The following SERPINB13 variants were observed in gnomAD, a reference collection of about 807,000 sequenced individuals.
SERPINB13 encodes serpin B13.
A neutral mutation model predicts 31.2 loss-of-function variants in SERPINB13; 26 were observed. That is an observed-to-expected ratio of 0.83 (90% CI 0.61 to 1.15). SERPINB13 has a LOEUF of 1.15. SERPINB13 is among the 50% of genes most tolerant of loss of function. SERPINB13 has a pLI of 0.00. For synonymous variants in SERPINB13, 191 were observed against 172.4 expected, an observed-to-expected ratio of 1.11 and a Z score of -0.85; for missense variants, 510 against 469.4, an observed-to-expected ratio of 1.09 and a Z score of -0.80.
intron 7 of SERPINB13, among the ~76,000 whole-genome samples, chr18:63,595,671 G>C (rs897320794): frequency 6.6e-6 from 1 of 151,980 alleles, no homozygotes; most frequent in Non-Finnish European, 1.5e-5. Flanking sequence ...AGGCTGAGGC[G>C]GGCGGATCAC....
rs376967469 is a variant in SERPINB13 at position 63,597,412 on chromosome 18, G to A, written c.*49G>A. On this transcript the variant is annotated 3_prime_UTR_variant, in exon 8 of 8. Transcript: ENST00000344731. ...TGCTTTTAGCAAAAAACAACTACCA[G>A]TGTTACTCATATGATTATGAAAATC... 38 of 1,524,068 alleles carry A rather than the reference G, an allele frequency of 2.5e-5. No homozygotes were observed. In the African/African-American group the frequency reaches 5.0e-4, roughly 20 times the overall value. 94.4% of individuals were successfully genotyped at this position (1,524,068 alleles called of 1,614,324 possible).
chr18:63,598,123 T>G lies in SERPINB13; in HGVS notation c.*760T>G, dbSNP rs1274411310. On this transcript the variant is annotated 3_prime_UTR_variant, in exon 8 of 8. Coordinates refer to ENST00000344731, the MANE Select transcript of SERPINB13 (RefSeq NM_012397.4). ...CATTTACATTTTTCTGGTTTTTTTT[T>G]TTTTTTGAGTGAGGTACGAGTATTA... 6.6e-6 allele frequency: 1 copy of G among 151,922 alleles called. No individual in the cohort carries two copies. Among genetic ancestry groups the G allele is most frequent in the Non-Finnish European group, 1.5e-5 (1 of 67,972 alleles). 9.4% of individuals were successfully genotyped at this position (151,922 alleles called of 1,614,324 possible).
At chr18:63,588,968 A>G in intron 2 of SERPINB13, 136 bp downstream of exon 2, 2 of 976,042 alleles carry the variant, frequency 2.0e-6, no homozygotes, top group Non-Finnish European at 2.9e-6. Flanking sequence ...TTTCAAGACA[A>G]GGAGCAATTT....
At position 63,588,803 on chromosome 18, in the gene SERPINB13, C is replaced by T. The variant is rs200737594; in HGVS notation, c.136C>T (p.Arg46Ter). The T allele has an allele frequency of 5.7e-5, 92 of 1,613,852 alleles. No individual in the cohort carries two copies. The highest frequency in any genetic ancestry group is 1.8e-4 in the South Asian group (16 of 91,078). Residue 46 changes from arginine to a stop codon, truncating the protein, a stop_gained, in exon 2 of 8, where the codon CGA becomes TGA. Transcript: ENST00000344731. LOFTEE classifies it high-confidence loss of function. ...TAIGMVLLGT[R>*]GATASQLEEV... ...AATTGGCATGGTCCTCCTGGGGACC[C>T]GAGGAGCCACCGCTTCCCAGTTGGA... is the stretch of plus-strand genomic sequence containing the variant.
At position 63,597,304 on chromosome 18, in the gene SERPINB13, T is replaced by C. The variant is rs781300195; in HGVS notation, c.1117T>C (p.Phe373Leu). 9.0e-5 allele frequency: 146 copies of C among 1,614,050 alleles called. No homozygotes were observed. Among genetic ancestry groups the C allele is most frequent in the Non-Finnish European group, 1.2e-4 (143 of 1,180,042 alleles). Reference protein sequence around the residue: ...NVHCNHPFLFFIRHNESNSIL... With the variant: ...NVHCNHPFLFLIRHNESNSIL... ...TCACTGCAATCATCCCTTCCTGTTC[T>C]TCATCAGGCACAATGAATCCAACAG... is the stretch of plus-strand genomic sequence containing the variant. Residue 373 changes from phenylalanine to leucine, a missense_variant, in exon 8 of 8, where the codon TTC becomes CTC. Coordinates refer to ENST00000344731, the MANE Select transcript of SERPINB13 (RefSeq NM_012397.4).
intron 7 of SERPINB13, 96 bp downstream of exon 7, chr18:63,595,280 G>C: frequency 7.7e-7 from 1 of 1,290,630 alleles, no homozygotes; most frequent in South Asian, 1.4e-5. Flanking sequence ...GTGTCAAATA[G>C]AAAGTGTTTC....
chr18:63,589,168 C>G (rs1053081202), intron 2 of SERPINB13, among the ~76,000 whole-genome samples: 1 of 152,046 alleles, frequency 6.6e-6, no homozygotes, highest in Non-Finnish European at 1.5e-5. Flanking sequence ...TAAGCCAATA[C>G]GAGTTCCTTA....
chr18:63,592,890 T>A lies in SERPINB13; in HGVS notation c.391T>A (p.Ser131Thr). The change falls in exon 5 of 8, where the codon TCT (serine) becomes ACT (threonine). Residue 131 changes from serine (S) to threonine (T), a missense_variant. Ser to Thr is a moderately conservative substitution (Grantham distance 58). Coordinates refer to ENST00000344731, the MANE Select transcript of SERPINB13 (RefSeq NM_012397.4). ...LDYVEKYYHA[S>T]LEPVDFVNAA... ...TTATGTTGAAAAATATTATCATGCA[T>A]CTCTGGAACCTGTTGATTTTGTAAA... The A allele has an allele frequency of 6.2e-7, 1 of 1,611,034 alleles. No homozygotes were observed. The highest frequency in any genetic ancestry group is 1.7e-4 in the Middle Eastern group (1 of 6,048).
At chr18:63,591,805 A>G (rs1009644938) in intron 3 of SERPINB13, among the ~76,000 whole-genome samples, 1 of 152,140 alleles carries the variant, frequency 6.6e-6, no homozygotes, top group African/African-American at 2.4e-5. Flanking sequence ...TAGAATATGA[A>G]AACTTCAATC....
chr18:63,588,797 G>C lies in SERPINB13; in HGVS notation c.130G>C (p.Gly44Arg), dbSNP rs1386609413. ...GACTGCAATTGGCATGGTCCTCCTG[G>C]GGACCCGAGGAGCCACCGCTTCCCA... ...ILTAIGMVLL[G>R]TRGATASQLE... The change falls in exon 2 of 8, where the codon GGG becomes CGG. Residue 44 changes from glycine to arginine, a missense_variant. Coordinates refer to ENST00000344731, the MANE Select transcript of SERPINB13 (RefSeq NM_012397.4). 1.9e-6 allele frequency: 3 copies of C among 1,614,082 alleles called. No individual in the cohort carries two copies. Among genetic ancestry groups the C allele is most frequent in the South Asian group, 2.2e-5 (2 of 91,080 alleles).
chr18:63,594,505 C>T lies in SERPINB13; in HGVS notation c.615+8C>T, dbSNP rs138752088. The T allele has an allele frequency of 5.4e-3, 8,775 of 1,612,446 alleles. 75 individuals carry two copies. Among genetic ancestry groups the T allele is most frequent in the African/African-American group, 0.019 (1,429 of 74,862 alleles). On this transcript the variant is annotated splice_region_variant and intron_variant, in intron 6 of 7. Coordinates refer to ENST00000344731, the MANE Select transcript of SERPINB13 (RefSeq NM_012397.4). ...AAATTTTGGATGAATAAGGTATGGC[C>T]CTTAGTTTATTTTCGTGATGTGCTT...
intron 1 of SERPINB13, among the ~76,000 whole-genome samples, chr18:63,587,732 AAAGGCCCC>A (rs1430353345): frequency 6.6e-6 from 1 of 152,256 alleles, no homozygotes; most frequent in African/African-American, 2.4e-5. Context: ...CTTGAGGGCA[AAAGGCCCC>A]AAAGTATGTG....
chr18:63,588,444 CG>C (rs1335141855), intron 1 of SERPINB13, among the ~76,000 whole-genome samples: 3 of 152,246 alleles, frequency 2.0e-5, no homozygotes, highest in Admixed American at 1.3e-4. Context: ...CACCGGATGA[CG>C]GAAGACTCCA....
Position 63,598,528 on chromosome 18 carries a change from G to A in SERPINB13, c.*1165G>A, listed in dbSNP as rs1416183276. The A allele has an allele frequency of 6.6e-6, 1 of 152,206 alleles. No individual in the cohort carries two copies. Among genetic ancestry groups the A allele is most frequent in the Admixed American group, 6.5e-5 (1 of 15,288 alleles). 9.4% of individuals were successfully genotyped at this position (152,206 alleles called of 1,614,324 possible). A position where few individuals can be genotyped will look rare whatever the true frequency, so the allele number is the denominator to read the frequency against. On this transcript the variant is annotated 3_prime_UTR_variant, in exon 8 of 8. Coordinates refer to ENST00000344731, the MANE Select transcript of SERPINB13 (RefSeq NM_012397.4). ...AATCATAATACATGTAGTATTTTGT[G>A]TCTGGCGTCTTGCACTTAGCATGGT...
Position 63,596,966 on chromosome 18 carries a change from A to G in SERPINB13, c.779A>G (p.Asp260Gly), listed in dbSNP as rs760661211. ...NDIDGLEKII[D>G]KISPEKLVEW... is the part of the protein sequence containing the mutation. ...TTCTTTTTTTGAAAATAGATAATAGATAAAATAAGTCCTGAGAAATTGGTA... is the reference window on the plus strand; with the variant it reads ...TTCTTTTTTTGAAAATAGATAATAGGTAAAATAAGTCCTGAGAAATTGGTA... Residue 260 changes from aspartate (D) to glycine (G), a missense_variant, in exon 8 of 8, where the codon GAT (aspartate) becomes GGT (glycine). Physicochemically the swap from Asp to Gly is moderately conservative, Grantham distance 94. Transcript: ENST00000344731. 6.3e-7 allele frequency: 1 copy of G among 1,599,986 alleles called. No homozygotes were observed.
In SERPINB13 at chr18:63,592,427, T is replaced by C. The variant is rs751499892; in HGVS notation, c.305T>C (p.Leu102Pro). Residue 102 changes from leucine (L) to proline (P), a missense_variant, in exon 4 of 8, where the codon CTG (leucine) becomes CCG (proline). Leu to Pro is a moderately conservative substitution (Grantham distance 98). Transcript: ENST00000344731. ...AGCAAACTCACTAATGATTATGAAC[T>C]GAACATAACCAACAGGCTGTTTGGA... ...EISKLTNDYE[L>P]NITNRLFGEK... 3 of 1,613,618 alleles carry C rather than the reference T, an allele frequency of 1.9e-6. No individual in the cohort carries two copies. The highest frequency in any genetic ancestry group is 2.5e-6 in the Non-Finnish European group (3 of 1,179,656).
At chr18:63,591,826 T>C (rs1911872348) in intron 3 of SERPINB13, among the ~76,000 whole-genome samples, 1 of 152,108 alleles carries the variant, frequency 6.6e-6, no homozygotes, top group Non-Finnish European at 1.5e-5. Flanking sequence ...AGAAAACTGA[T>C]GGGTCCTACA....
At chr18:63,594,541 T>C (rs1408139101) in intron 6 of SERPINB13, 44 bp downstream of exon 6, 1 of 1,602,336 alleles carries the variant, frequency 6.2e-7, no homozygotes, top group Admixed American at 1.7e-5. Context: ...ACACATGGAA[T>C]GTAAAGTCTA....
chr18:63,592,671 C>A (rs977986477), intron 4 of SERPINB13, among the ~76,000 whole-genome samples, 183 bp from the exon 5 acceptor site: 1 of 152,160 alleles, frequency 6.6e-6, no homozygotes, highest in Non-Finnish European at 1.5e-5. Context: ...CTGATTTTTG[C>A]CTCATCCCCA....
Sources: allele counts gnomAD v4.1 joint callset (sites outside exome capture counted in the v4.1 genomes callset), GRCh38; gene constraint gnomAD v4.1.1; transcripts MANE v1.5; gene names NCBI Gene and HGNC (gene_info 2026-07-23, HGNC 2026-07-21).